The following EPB41L1 variants were observed in gnomAD, a reference collection of about 807,000 sequenced individuals.
The protein encoded by EPB41L1 is band 4.1-like protein 1.
A neutral mutation model predicts 97.8 loss-of-function variants in EPB41L1; 29 were observed. That is an observed-to-expected ratio of 0.30 (90% CI 0.22 to 0.40). The LOEUF is 0.40. EPB41L1 is among the 10% of genes least tolerant of loss of function. EPB41L1 has a pLI of 1.00. For synonymous variants in EPB41L1, 383 were observed against 459.2 expected (o/e 0.83, Z 2.12); for missense variants, 812 against 1,162.3 (o/e 0.70, Z 4.38).
Position 36,212,170 on chromosome 20 carries a change from TG to T in EPB41L1, c.2080-98del. On this transcript the variant is annotated intron_variant, in intron 15 of 21. Coordinates refer to ENST00000338074, the MANE Select transcript of EPB41L1 (RefSeq NM_012156.2). This position sits in a 1 kb window ranked among gnomAD's most constrained non-coding sequence, Gnocchi z 4.8. ...ACCCTTCCAGAGATGTGGCCAGCTG[TG>T]GGGATAGGAGATAGCCTGCAGACAC... 2 of 1,092,866 alleles carry T rather than the reference TG, an allele frequency of 1.8e-6. No individual in the cohort carries two copies. Among genetic ancestry groups the T allele is most frequent in the Non-Finnish European group, 2.8e-6 (2 of 714,460 alleles). The allele number at this position is 1,092,866 out of a possible 1,614,324, so 67.7% of individuals were successfully genotyped here.
intron 1 of EPB41L1, among the ~76,000 whole-genome samples, chr20:36,156,540 A>G (rs2060309706): frequency 6.6e-6 from 1 of 152,062 alleles, no homozygotes; most frequent in Non-Finnish European, 1.5e-5. Flanking sequence ...CAGGTCTTCC[A>G]CCTCTTGTTC....
chr20:36,202,081 A>AAG (rs1431146260), intron 14 of EPB41L1, among the ~76,000 whole-genome samples: 6 of 152,234 alleles, frequency 3.9e-5, no homozygotes, highest in African/African-American at 1.4e-4. Flanking sequence ...GAAATCGGAC[A>AAG]AGAGTCAACA....
intron 21 of EPB41L1, among the ~76,000 whole-genome samples, chr20:36,228,657 C>T (rs1350634818): frequency 6.6e-6 from 1 of 152,182 alleles, no homozygotes; most frequent in Non-Finnish European, 1.5e-5. Flanking sequence ...GGGATTTGAA[C>T]TCAGGGAGTC....
chr20:36,125,354 C>G (rs1320607650), intron 2 of EPB41L1: 2 of 690,260 alleles, frequency 2.9e-6, no homozygotes, highest in African/African-American at 3.5e-5. Flanking sequence ...GAGCCCCTCC[C>G]CTTATCAACC....
At chr20:36,107,762 G>A (rs990261683) in intron 1 of EPB41L1, among the ~76,000 whole-genome samples, 1 of 151,644 alleles carries the variant, frequency 6.6e-6, no homozygotes, top group African/African-American at 2.4e-5. Context: ...CTGGGAGGTG[G>A]AGATTGCAGT....
At position 36,204,960 on chromosome 20, in the gene EPB41L1, G is replaced by C. The variant is rs576951340; in HGVS notation, c.1669-4528G>C. On this transcript the variant is annotated intron_variant, in intron 14 of 21. Transcript: ENST00000338074. ...TTGGCCTCTGGTGCCTTTGATGCAC[G>C]ATGATGCTTAGATCTTTACCTCTCT... 2.6e-5 allele frequency among the ~76,000 whole-genome samples: 4 copies of C among 152,328 alleles called. No individual in the cohort carries two copies. In the East Asian group the frequency reaches 5.8e-4, roughly 22 times the overall value.
At chr20:36,194,509 A>T (rs1569276052) in intron 12 of EPB41L1, 149 bp downstream of exon 12, 2 of 1,091,932 alleles carry the variant, frequency 1.8e-6, no homozygotes, top group Non-Finnish European at 2.7e-6. Context: ...CCTTTGGGTC[A>T]TCTCTCAATA....
In EPB41L1 at chr20:36,156,817, G is replaced by A. The variant is rs557646317; in HGVS notation, c.-15+1921G>A. Among the ~76,000 whole-genome samples, 8 of 152,304 alleles carry A rather than the reference G, an allele frequency of 5.3e-5. No homozygotes were observed. The South Asian group carries it at 6.2e-4, about 12-fold the overall frequency. On this transcript the variant is annotated intron_variant, in intron 1 of 21. Coordinates refer to ENST00000338074, the MANE Select transcript of EPB41L1 (RefSeq NM_012156.2). Reference sequence around the variant, plus strand: ...GGTGCCCAGGGATGTTCTGGCCTGAGCCTCCAGGGGGCAACAGAGAGTTTT... The same window carrying A: ...GGTGCCCAGGGATGTTCTGGCCTGAACCTCCAGGGGGCAACAGAGAGTTTT...
intron 5 of EPB41L1, among the ~76,000 whole-genome samples, chr20:36,181,743 G>C (rs971747656): frequency 1.3e-5 from 2 of 152,126 alleles, no homozygotes; most frequent in African/African-American, 4.8e-5. Flanking sequence ...GCAGGGTGAG[G>C]GCTCTGACAA....
chr20:36,221,920 G>T lies in EPB41L1; in HGVS notation c.2496G>T (p.Gly832=). The T allele has an allele frequency of 6.2e-7, 1 of 1,614,140 alleles. No homozygotes were observed. The highest frequency in any genetic ancestry group is 8.5e-7 in the Non-Finnish European group (1 of 1,180,028). The change falls in exon 20 of 22, where the codon GGG becomes GGT. Residue 832 remains glycine (G), a synonymous_variant. Transcript: ENST00000338074. The stretch of plus-strand genomic sequence containing the variant: ...TCGAGAAGCGAATCATCATTACTGG[G>T]GATGAAGATGTCGATCAAGACCAGG... ...TRIEKRIIIT[G]DEDVDQDQAL... is the part of the protein sequence containing the mutation.
At chr20:36,145,671 T>G (rs2059805120) in intron 2 of EPB41L1, among the ~76,000 whole-genome samples, 1 of 152,224 alleles carries the variant, frequency 6.6e-6, no homozygotes. Context: ...TATCCACCAT[T>G]GCTGTCCACT....
At chr20:36,148,760 T>G (rs1031260124) in intron 2 of EPB41L1, 2 of 152,292 alleles carry the variant, frequency 1.3e-5, no homozygotes, top group African/African-American at 4.8e-5. Context: ...GGGGCTTGGC[T>G]GTGGGTATAG....
chr20:36,129,032 C>T (rs987125747), intron 2 of EPB41L1, among the ~76,000 whole-genome samples: 9 of 151,936 alleles, frequency 5.9e-5, no homozygotes, highest in African/African-American at 2.2e-4. Context: ...TGAATTTGTG[C>T]CAATGAGATG....
At chr20:36,227,990 TC>T (rs1388928338) in intron 21 of EPB41L1, among the ~76,000 whole-genome samples, 1 of 152,202 alleles carries the variant, frequency 6.6e-6, no homozygotes, top group African/African-American at 2.4e-5. Context: ...ATTGACCTGT[TC>T]CAAAACAGGA....
chr20:36,155,981 A>G (rs1164986798), intron 1 of EPB41L1, among the ~76,000 whole-genome samples: 1 of 141,800 alleles, frequency 7.1e-6, no homozygotes, highest in Non-Finnish European at 1.5e-5. Flanking sequence ...TGGGGCCTGG[A>G]TGGTGCCCTC....
intron 21 of EPB41L1, among the ~76,000 whole-genome samples, chr20:36,222,638 A>T (rs1387638240): frequency 1.3e-5 from 2 of 152,174 alleles, no homozygotes; most frequent in Admixed American, 6.5e-5. Context: ...CAGATCCAGA[A>T]AAATAAATCC....
intron 14 of EPB41L1, among the ~76,000 whole-genome samples, chr20:36,201,752 GAATC>G (rs2062509627): frequency 6.6e-6 from 1 of 152,178 alleles, no homozygotes; most frequent in Non-Finnish European, 1.5e-5. Flanking sequence ...GCTGGGCATA[GAATC>G]CAGGCCCAGG....
Position 36,131,979 on chromosome 20 carries a change from G to A in EPB41L1, c.-10+19499G>A, listed in dbSNP as rs534616814. ...TTTCCCCCACAAAGTTATCTCTCTA[G>A]GTTAGAGCTTGGGGCCCCAGCTCAG... is the stretch of plus-strand genomic sequence containing the variant. On this transcript the variant is annotated intron_variant, in intron 2 of 19. Coordinates refer to the EPB41L1 transcript ENST00000202028. Among the ~76,000 whole-genome samples, 21 of 152,206 alleles carry A rather than the reference G, an allele frequency of 1.4e-4. No homozygotes were observed. In the South Asian group the frequency reaches 4.1e-3, roughly 30 times the overall value.
In EPB41L1 at chr20:36,209,762, G is replaced by A. The variant is rs760904510; in HGVS notation, c.1943G>A (p.Ser648Asn). The change falls in exon 15 of 22, where the codon AGC becomes AAC. Residue 648 changes from serine (S) to asparagine (N), a missense_variant. Around this residue, in one of 3 missense-constraint regions of EPB41L1, gnomAD observed 498 missense variants for 622.7 expected, o/e 0.80. Coordinates refer to ENST00000338074, the MANE Select transcript of EPB41L1 (RefSeq NM_012156.2). This position sits in a 1 kb window ranked among gnomAD's most constrained non-coding sequence, Gnocchi z 4.2. ...RSLPELDRDK[S>N]DSDTEGLLFS... is the part of the protein sequence containing the mutation. The stretch of plus-strand genomic sequence containing the variant: ...CTGCCTGAGCTCGACCGGGACAAAA[G>A]CGACTCGGACACTGAGGGCCTGCTG... The A allele has an allele frequency of 1.2e-6, 2 of 1,614,134 alleles. No homozygotes were observed. Among genetic ancestry groups the A allele is most frequent in the Non-Finnish European group, 1.7e-6 (2 of 1,180,032 alleles).
Sources: gnomAD v4.1 joint callset for allele counts (sites outside exome capture counted in the v4.1 genomes callset) on GRCh38, gnomAD v4.1.1 for gene constraint, gnomAD v4.1.1 regional missense constraint, Gnocchi (gnomAD v3.1) non-coding constraint, MANE v1.5 for transcripts, NCBI Gene and HGNC (gene_info 2026-07-23, HGNC 2026-07-21) for gene names.